TMEM132B: variants seen among roughly 807,000 people sequenced by gnomAD.
TMEM132B encodes transmembrane protein 132B.
Under a neutral mutation model 90.8 loss-of-function variants are expected in TMEM132B, and 18 were observed. That is an observed-to-expected ratio of 0.20 (90% CI 0.14 to 0.29). The LOEUF (loss-of-function observed/expected upper bound fraction) is 0.29, where lower values mean the gene tolerates loss of function less well. TMEM132B is among the 10% of genes least tolerant of loss of function. TMEM132B has a pLI of 1.00. For synonymous variants in TMEM132B, 504 were observed against 523.3 expected, an observed-to-expected ratio of 0.96 and a Z score of 0.50; for missense variants, 1,096 against 1,326.8, an observed-to-expected ratio of 0.83 and a Z score of 2.70.
intron 3 of TMEM132B, among the ~76,000 whole-genome samples, chr12:125,453,349 G>A (rs900058233): frequency 2.0e-5 from 3 of 152,090 alleles, no homozygotes; most frequent in Non-Finnish European, 4.4e-5. Flanking sequence ...GACGGATGCT[G>A]GGCCAAGTAT....
At chr12:125,370,193 C>A (rs1878251539) in intron 2 of TMEM132B, among the ~76,000 whole-genome samples, 1 of 152,106 alleles carries the variant, frequency 6.6e-6, no homozygotes, top group African/African-American at 2.4e-5. Context: ...CTGAGGTCAC[C>A]AAGACAGGCA....
rs941755426 is a variant in TMEM132B, at chr12:125,356,538, C to T, written c.959+6195C>T. On this transcript the variant is annotated intron_variant, in intron 2 of 8. Transcript: ENST00000682704. ...TGAGTCATCAGTAAATTCTAGAGTTCTTCCTCTGAAATATATAGACTCTAT... is the reference window on the plus strand; with the variant it reads ...TGAGTCATCAGTAAATTCTAGAGTTTTTCCTCTGAAATATATAGACTCTAT... Among the ~76,000 whole-genome samples, 8 of 152,320 alleles carry T rather than the reference C, an allele frequency of 5.3e-5. No homozygotes were observed. The East Asian group carries it at 1.5e-3, about 29-fold the overall frequency.
chr12:125,549,682 G>A (rs1884171666), intron 4 of TMEM132B, among the ~76,000 whole-genome samples: 1 of 152,174 alleles, frequency 6.6e-6, no homozygotes, highest in Non-Finnish European at 1.5e-5. Context: ...GTGATGTTAA[G>A]CACATTACTT....
intron 2 of TMEM132B, among the ~76,000 whole-genome samples, chr12:125,389,378 ATCCTT>A (rs1021750935): frequency 8.9e-6 from 1 of 112,746 alleles, no homozygotes; most frequent in Non-Finnish European, 1.6e-5. Flanking sequence ...CTTCCTTTTC[ATCCTT>A]TCCTTTGCTT....
intron 1 of TMEM132B, among the ~76,000 whole-genome samples, chr12:125,286,181 G>A (rs1025621880): frequency 6.6e-6 from 1 of 152,254 alleles, no homozygotes; most frequent in Non-Finnish European, 1.5e-5. Context: ...GAAGCACAGA[G>A]AAGTTAATTC....
At chr12:125,216,286 G>A (rs978767017) in intron 1 of TMEM132B, among the ~76,000 whole-genome samples, 7 of 152,166 alleles carry the variant, frequency 4.6e-5, no homozygotes, top group Admixed American at 3.9e-4. Context: ...GGTGGGTGGG[G>A]AGGCTTGAAG....
At chr12:125,641,036 C>T (rs963666731) in intron 5 of TMEM132B, among the ~76,000 whole-genome samples, 11 of 152,108 alleles carry the variant, frequency 7.2e-5, no homozygotes, top group Non-Finnish European at 1.0e-4. Flanking sequence ...GAGGCTGCCT[C>T]ACTAACAGGT....
chr12:125,330,336 T>TC, intron 1 of TMEM132B, among the ~76,000 whole-genome samples: 1 of 40,100 alleles, frequency 2.5e-5, no homozygotes, highest in African/African-American at 1.9e-4. Flanking sequence ...GGGGTTTCTT[T>TC]TTTTTTTTTT....
At chr12:125,294,873 T>A (rs867252664) in intron 1 of TMEM132B, among the ~76,000 whole-genome samples, 3 of 145,070 alleles carry the variant, frequency 2.1e-5, no homozygotes, top group Admixed American at 7.2e-5. Flanking sequence ...GGAGAAAGTG[T>A]TTATGCTAAG....
intron 1 of TMEM132B, among the ~76,000 whole-genome samples, chr12:125,338,945 T>G (rs1476090730): frequency 1.3e-5 from 2 of 152,220 alleles, no homozygotes; most frequent in Non-Finnish European, 2.9e-5. Context: ...AATATTTCTC[T>G]TAGATTGAAT....
At chr12:125,472,726 A>T (rs760460853) in intron 3 of TMEM132B, among the ~76,000 whole-genome samples, 5 of 152,150 alleles carry the variant, frequency 3.3e-5, no homozygotes, top group African/African-American at 4.8e-5. Flanking sequence ...CCCTTCTGCC[A>T]TGTAAGGAGG....
chr12:125,288,082 C>A (rs879813131), intron 1 of TMEM132B, among the ~76,000 whole-genome samples: 37 of 148,224 alleles, frequency 2.5e-4, no homozygotes, highest in Admixed American at 8.1e-4. Context: ...CCATGTTGGC[C>A]AGGCTGGTCT....
At chr12:125,258,784 A>G (rs948330757) in intron 1 of TMEM132B, among the ~76,000 whole-genome samples, 1 of 152,180 alleles carries the variant, frequency 6.6e-6, no homozygotes, top group African/African-American at 2.4e-5. Context: ...GAAAAATGAT[A>G]AAACAGGATA....
chr12:125,522,852 G>T (rs191639842), intron 4 of TMEM132B, among the ~76,000 whole-genome samples: 1 of 152,096 alleles, frequency 6.6e-6, no homozygotes. Flanking sequence ...GCCTAATATC[G>T]TGCCCATTGG....
At chr12:125,226,164 T>A (rs1873676906) in intron 1 of TMEM132B, among the ~76,000 whole-genome samples, 1 of 152,182 alleles carries the variant, frequency 6.6e-6, no homozygotes, top group Non-Finnish European at 1.5e-5. Context: ...TCCCCATCCA[T>A]GTAGTAGCTT....
At chr12:125,423,517 G>C (rs1213057733) in intron 3 of TMEM132B, among the ~76,000 whole-genome samples, 1 of 152,206 alleles carries the variant, frequency 6.6e-6, no homozygotes, top group African/African-American at 2.4e-5. Context: ...AGGCCTGCAG[G>C]AGAAAAGAAA....
intron 4 of TMEM132B, among the ~76,000 whole-genome samples, chr12:125,542,169 G>C (rs1883976763): frequency 6.6e-6 from 1 of 151,366 alleles, no homozygotes; most frequent in Non-Finnish European, 1.5e-5. Flanking sequence ...TTTGCTCTTT[G>C]ACCTGTACAT....
intron 4 of TMEM132B, among the ~76,000 whole-genome samples, chr12:125,527,216 ATCCACCCATCCACCCT>A: frequency 8.6e-5 from 11 of 127,470 alleles, no homozygotes; most frequent in African/African-American, 3.3e-4. Context: ...CCATCCATCC[ATCCACCCATCCACCCT>A]TCCATCCACC....
chr12:125,561,637 C>T (rs1318103276), intron 4 of TMEM132B, among the ~76,000 whole-genome samples: 1 of 152,084 alleles, frequency 6.6e-6, no homozygotes, highest in Non-Finnish European at 1.5e-5. Flanking sequence ...AAACAATCTC[C>T]TTATATCTCC....
Sources: gnomAD v4.1 joint callset for allele counts (sites outside exome capture counted in the v4.1 genomes callset) on GRCh38, gnomAD v4.1.1 for gene constraint, MANE v1.5 for transcripts, NCBI Gene and HGNC (gene_info 2026-07-23, HGNC 2026-07-21) for gene names.